PCDH15: variants seen among roughly 807,000 people sequenced by gnomAD.
PCDH15 encodes the protein protocadherin related 15, also known as protocadherin-15.
In PCDH15, 129 loss-of-function variants were observed where a neutral mutation model predicts 178.5. The observed-to-expected ratio is 0.72, with a 90% CI of 0.63 to 0.84. PCDH15 has a LOEUF of 0.84. Ranked by LOEUF, PCDH15 falls within the 40% of genes least tolerant of loss-of-function variation. The probability of loss-of-function intolerance (pLI) is 0.00; values close to 1 mark genes in which losing one functional copy is unlikely to be tolerated. For missense variants in PCDH15, 2,230 were observed against 2,099.9 expected (o/e 1.06, Z -1.21); for synonymous variants, 800 against 732.0 (o/e 1.09, Z -1.50).
intron 2 of PCDH15, among the ~76,000 whole-genome samples, chr10:54,549,867 T>C (rs1212318655): frequency 6.6e-6 from 1 of 152,082 alleles, no homozygotes; most frequent in Non-Finnish European, 1.5e-5. Context: ...GGTACATGCA[T>C]ATTTAGAATT....
At chr10:55,021,328 C>A (rs1840321771) in intron 2 of PCDH15, among the ~76,000 whole-genome samples, 1 of 152,184 alleles carries the variant, frequency 6.6e-6, no homozygotes. Context: ...CACAAAATGA[C>A]TTCCCTCTTT....
At chr10:55,075,468 C>A (rs1203809288) in intron 2 of PCDH15, among the ~76,000 whole-genome samples, 1 of 150,522 alleles carries the variant, frequency 6.6e-6, no homozygotes, top group Non-Finnish European at 1.5e-5. Context: ...CGGGTTCAAG[C>A]GATTCCCCAG....
intron 2 of PCDH15, among the ~76,000 whole-genome samples, chr10:55,610,281 T>C (rs1015096565): frequency 1.3e-5 from 2 of 152,252 alleles, no homozygotes; most frequent in African/African-American, 2.4e-5. Context: ...GGCCATTAAA[T>C]TTGTTCTTTT....
chr10:54,864,815 G>C (rs1048409292), intron 3 of PCDH15: 3 of 152,124 alleles, frequency 2.0e-5, no homozygotes, highest in Non-Finnish European at 2.9e-5. Flanking sequence ...AAGCAAGAGA[G>C]ACAGAGACCA....
intron 3 of PCDH15, among the ~76,000 whole-genome samples, chr10:54,487,610 C>T (rs982437553): frequency 9.9e-5 from 15 of 151,978 alleles, no homozygotes; most frequent in African/African-American, 3.6e-4. Flanking sequence ...AATTTTCTAT[C>T]TAGATTTATA....
intron 2 of PCDH15, among the ~76,000 whole-genome samples, chr10:55,440,177 A>C (rs1376157778): frequency 1.3e-5 from 2 of 152,228 alleles, no homozygotes; most frequent in Non-Finnish European, 2.9e-5. Flanking sequence ...GGTGATAGGG[A>C]TATCTGACAA....
At chr10:54,126,475 A>G (rs2132959129) in intron 15 of PCDH15, among the ~76,000 whole-genome samples, 1 of 152,256 alleles carries the variant, frequency 6.6e-6, no homozygotes, top group Admixed American at 6.5e-5. Flanking sequence ...TACGAAAGAT[A>G]AGATAGTCCC....
intron 2 of PCDH15, among the ~76,000 whole-genome samples, chr10:55,074,919 C>T (rs1242661010): frequency 6.6e-6 from 1 of 152,118 alleles, no homozygotes; most frequent in Admixed American, 6.6e-5. Context: ...GGTCCAGTTT[C>T]AGTTTCCTAT....
At chr10:54,129,521 T>A (rs1012230200) in intron 15 of PCDH15, among the ~76,000 whole-genome samples, 3 of 152,164 alleles carry the variant, frequency 2.0e-5, no homozygotes, top group Non-Finnish European at 4.4e-5. Flanking sequence ...GTAAGAAATA[T>A]ATATTATTTG....
chr10:54,797,003 C>T (rs1019886835), intron 1 of PCDH15, among the ~76,000 whole-genome samples: 42 of 151,970 alleles, frequency 2.8e-4, no homozygotes, highest in African/African-American at 9.9e-4. Context: ...TCTGACACCT[C>T]CATGAAAACA....
At chr10:54,315,148 C>T (rs372835444) in intron 8 of PCDH15, among the ~76,000 whole-genome samples, 2 of 152,278 alleles carry the variant, frequency 1.3e-5, no homozygotes, top group African/African-American at 2.4e-5. Context: ...TTTATACTCC[C>T]ACCAACAGTG....
chr10:55,381,710 G>T (rs1438300083), intron 2 of PCDH15, among the ~76,000 whole-genome samples: 1 of 152,034 alleles, frequency 6.6e-6, no homozygotes, highest in Non-Finnish European at 1.5e-5. Context: ...AGAAGACCTG[G>T]ATATACACAG....
intron 3 of PCDH15, among the ~76,000 whole-genome samples, chr10:54,816,167 T>C (rs2133735135): frequency 6.6e-6 from 1 of 152,164 alleles, no homozygotes; most frequent in South Asian, 2.1e-4. Context: ...ATTCTCAACA[T>C]TATATTCCAG....
intron 1 of PCDH15, among the ~76,000 whole-genome samples, chr10:54,722,174 T>G (rs1031767357): frequency 6.6e-6 from 1 of 151,772 alleles, no homozygotes; most frequent in African/African-American, 2.4e-5. Context: ...CACCCCTTTA[T>G]GATGAAAACC....
intron 3 of PCDH15, among the ~76,000 whole-genome samples, chr10:54,879,804 A>T (rs11592488): frequency 0.23 from 34,225 of 151,780 alleles, 4,546 homozygotes; most frequent in Non-Finnish European, 0.31. Flanking sequence ...AAATATTAAC[A>T]TATTGATCTT....
chr10:54,684,634 T>G (rs2094960694), intron 1 of PCDH15, among the ~76,000 whole-genome samples: 1 of 152,070 alleles, frequency 6.6e-6, no homozygotes, highest in African/African-American at 2.4e-5. Flanking sequence ...GGAAAAAATG[T>G]TTTAAATTTC....
At chr10:55,432,301 T>C (rs989501765) in intron 2 of PCDH15, among the ~76,000 whole-genome samples, 1 of 152,208 alleles carries the variant, frequency 6.6e-6, no homozygotes, top group Non-Finnish European at 1.5e-5. Flanking sequence ...GGCTGAGATA[T>C]GAAGTCATAG....
intron 1 of PCDH15, among the ~76,000 whole-genome samples, chr10:55,246,539 A>G (rs1841683282): frequency 6.6e-6 from 1 of 152,200 alleles, no homozygotes; most frequent in South Asian, 2.1e-4. Flanking sequence ...GAAATATTGG[A>G]TTTATGACCT....
chr10:54,854,298 G>T (rs999496517), intron 3 of PCDH15, among the ~76,000 whole-genome samples: 1 of 152,126 alleles, frequency 6.6e-6, no homozygotes, highest in African/African-American at 2.4e-5. Context: ...GCTCCCAGAG[G>T]GCTGCAACTC....
Sources: allele counts gnomAD v4.1 joint callset (sites outside exome capture counted in the v4.1 genomes callset), GRCh38; gene constraint gnomAD v4.1.1; transcripts MANE v1.5; gene names NCBI Gene and HGNC (gene_info 2026-07-23, HGNC 2026-07-21).